ABCC6: variants seen among roughly 807,000 people sequenced by gnomAD.
ABCC6 encodes ATP binding cassette subfamily C member 6.
Under a neutral mutation model 169.5 loss-of-function variants are expected in ABCC6, and 126 were observed. The observed-to-expected ratio is 0.74, with a 90% confidence interval of 0.64 to 0.86. ABCC6 has a LOEUF of 0.86. Ranked by LOEUF, ABCC6 falls within the 40% of genes least tolerant of loss-of-function variation. ABCC6 has a pLI of 0.00. For missense variants in ABCC6, 1,733 were observed against 1,927.2 expected (o/e 0.90, Z 1.89); for synonymous variants, 752 against 814.7 (o/e 0.92, Z 1.31).
At position 16,182,858 on chromosome 16, in the gene ABCC6, C is replaced by T. The variant is rs1322533791; in HGVS notation, c.2016G>A (p.Leu672=). ...VGPVGAGKSS[L]LSALLGELSK... is the part of the protein sequence containing the mutation. ...ACAGCTCCCCAAGGAGGGCGGACAGCAGGGAGGACTTCCCTGCCCCCACTG... is the reference window on the plus strand; with the variant it reads ...ACAGCTCCCCAAGGAGGGCGGACAGTAGGGAGGACTTCCCTGCCCCCACTG... The change falls in exon 16 of 31, where the codon CTG becomes CTA. Residue 672 remains leucine (L), a synonymous_variant. Transcript: ENST00000205557. 1.2e-6 allele frequency: 2 copies of T among 1,614,086 alleles called. No individual in the cohort carries two copies. Among genetic ancestry groups the T allele is most frequent in the Admixed American group, 1.7e-5 (1 of 60,022 alleles).
rs1596641405 is a variant in ABCC6, at chr16:16,175,782, G to A, written c.2666+129C>T. On this transcript the variant is annotated intron_variant, in intron 20 of 30. Coordinates refer to ENST00000205557, the MANE Select transcript of ABCC6 (RefSeq NM_001171.6). ...ATCCCTCAGCAGGGCACCATGGGGGGGACTTCAGCAGGTTCTCTATCCATA... is the reference window on the plus strand; with the variant it reads ...ATCCCTCAGCAGGGCACCATGGGGGAGACTTCAGCAGGTTCTCTATCCATA... 3.7e-6 allele frequency: 4 copies of A among 1,082,254 alleles called. No individual in the cohort carries two copies. In the East Asian group the frequency reaches 1.0e-4, roughly 28 times the overall value. The allele number at this position is 1,082,254 out of a possible 1,614,324, so 67.0% of individuals were successfully genotyped here. A position where few individuals can be genotyped will look rare whatever the true frequency, so the allele number is the denominator to read the frequency against.
At chr16:16,204,499 C>T (rs1391836639) in intron 7 of ABCC6, among the ~76,000 whole-genome samples, 1 of 152,208 alleles carries the variant, frequency 6.6e-6, no homozygotes, top group African/African-American at 2.4e-5. Flanking sequence ...GGTGCTCTAG[C>T]TCTGGGTGAA....
chr16:16,196,140 G>A (rs2048030041), intron 10 of ABCC6, among the ~76,000 whole-genome samples: 1 of 151,310 alleles, frequency 6.6e-6, no homozygotes, highest in Non-Finnish European at 1.5e-5. Context: ...AACCTGGGAG[G>A]TGGAGGTTGC....
intron 26 of ABCC6, among the ~76,000 whole-genome samples, 197 bp downstream of exon 26, chr16:16,159,285 T>G (rs2046638523): frequency 1.3e-5 from 2 of 152,154 alleles, no homozygotes; most frequent in Non-Finnish European, 2.9e-5. Context: ...GGAACCAAGA[T>G]TTGGCCTGGC....
At chr16:16,185,327 C>T (rs2047617859) in intron 14 of ABCC6, among the ~76,000 whole-genome samples, 1 of 152,222 alleles carries the variant, frequency 6.6e-6, no homozygotes. Flanking sequence ...AACACGGCCA[C>T]ATCCATTCAT....
chr16:16,182,381 C>G (rs779079905), intron 17 of ABCC6, 31 bp downstream of exon 17: 132 of 1,612,666 alleles, frequency 8.2e-5, no homozygotes, highest in Non-Finnish European at 1.0e-4. Flanking sequence ...TGCAATGTCT[C>G]CCTGTCCCAA....
intron 9 of ABCC6, among the ~76,000 whole-genome samples, chr16:16,201,347 C>T (rs1211331076): frequency 6.6e-6 from 1 of 152,174 alleles, no homozygotes; most frequent in Admixed American, 6.6e-5. Context: ...ATCCTTTATC[C>T]TCAAGGGGGA....
intron 27 of ABCC6, 141 bp from the exon 28 acceptor site, chr16:16,155,172 G>T: frequency 9.9e-7 from 1 of 1,007,280 alleles, no homozygotes; most frequent in Non-Finnish European, 1.4e-6. Context: ...CTTTCCATCT[G>T]TCTACCTTTC....
At chr16:16,217,164 A>G (rs916739431) in intron 4 of ABCC6, among the ~76,000 whole-genome samples, 1 of 152,182 alleles carries the variant, frequency 6.6e-6, no homozygotes, top group African/African-American at 2.4e-5. Context: ...ACTGGATTTT[A>G]TACTCTTCTA....
chr16:16,173,147 A>T, intron 21 of ABCC6, 137 bp downstream of exon 21: 1 of 1,154,766 alleles, frequency 8.7e-7, no homozygotes, highest in Non-Finnish European at 1.2e-6. Flanking sequence ...GAAAATGAAC[A>T]TCTAGAATGC....
intron 29 of ABCC6, among the ~76,000 whole-genome samples, chr16:16,153,195 G>A (rs931710690): frequency 1.3e-5 from 2 of 152,116 alleles, no homozygotes; most frequent in African/African-American, 2.4e-5. Flanking sequence ...ATGAGCCACC[G>A]CGCCCAGCCA....
chr16:16,217,969 A>C (rs199817503), intron 4 of ABCC6, among the ~76,000 whole-genome samples: 6 of 152,194 alleles, frequency 3.9e-5, no homozygotes, highest in Non-Finnish European at 8.8e-5. Flanking sequence ...ACATGCCTGT[A>C]ATCCCAGCTA....
intron 10 of ABCC6, among the ~76,000 whole-genome samples, chr16:16,196,728 G>C (rs1027205623): frequency 1.3e-5 from 2 of 152,146 alleles, no homozygotes; most frequent in African/African-American, 4.8e-5. Flanking sequence ...TGGAGACAGA[G>C]TCTCACTCTG....
At chr16:16,174,767 C>T (rs1218287654) in intron 20 of ABCC6, among the ~76,000 whole-genome samples, 1 of 133,218 alleles carries the variant, frequency 7.5e-6, no homozygotes, top group African/African-American at 2.6e-5. Flanking sequence ...AAAACCCCCC[C>T]CCGCAAAAAA....
intron 18 of ABCC6, among the ~76,000 whole-genome samples, chr16:16,178,345 A>G (rs1321400004): frequency 6.6e-6 from 1 of 152,078 alleles, no homozygotes; most frequent in African/African-American, 2.4e-5. Flanking sequence ...AAGAAAAAGA[A>G]AAAAGTTACA....
At chr16:16,152,962 T>C (rs917768272) in intron 29 of ABCC6, among the ~76,000 whole-genome samples, 5 of 151,964 alleles carry the variant, frequency 3.3e-5, no homozygotes. Context: ...AGTGGCACAA[T>C]CTTGGCTCAC....
chr16:16,186,493 G>A (rs561212075), intron 14 of ABCC6, among the ~76,000 whole-genome samples: 56 of 151,656 alleles, frequency 3.7e-4, no homozygotes, highest in African/African-American at 1.4e-3. Flanking sequence ...TCCCATCACC[G>A]CCTGAGCTCC....
At chr16:16,195,869 C>T (rs12920589) in intron 10 of ABCC6, among the ~76,000 whole-genome samples, 2 of 152,120 alleles carry the variant, frequency 1.3e-5, no homozygotes, top group Admixed American at 6.5e-5. Flanking sequence ...CATGAGCATT[C>T]GAGTTTTTTT....
At chr16:16,174,111 A>G (rs7188967) in intron 20 of ABCC6, among the ~76,000 whole-genome samples, 66,624 of 151,944 alleles carry the variant, frequency 0.44, 15,285 homozygotes, top group Non-Finnish European at 0.51. Flanking sequence ...CCTACCTTCT[A>G]TTAAATTGAG....
Sources: gnomAD v4.1 joint callset for allele counts (sites outside exome capture counted in the v4.1 genomes callset) on GRCh38, gnomAD v4.1.1 for gene constraint, MANE v1.5 for transcripts, NCBI Gene and HGNC (gene_info 2026-07-23, HGNC 2026-07-21) for gene names.